ZFHX3: variants seen among roughly 807,000 people sequenced by gnomAD.
ZFHX3 encodes zinc finger homeobox 3, also known as zinc finger homeobox protein 3.
A neutral mutation model predicts 279.1 loss-of-function variants in ZFHX3; 42 were observed. That is an observed-to-expected ratio of 0.15 (90% CI 0.12 to 0.19). The LOEUF is 0.19. Ranked by LOEUF, ZFHX3 falls within the 10% of genes least tolerant of loss-of-function variation. The probability of loss-of-function intolerance (pLI) is 1.00; values close to 1 mark genes in which losing one functional copy is unlikely to be tolerated. For missense variants in ZFHX3, 4,981 were observed against 4,754.0 expected (o/e 1.05, Z -1.40); for synonymous variants, 2,293 against 1,957.8 (o/e 1.17, Z -4.52).
intron 7 of ZFHX3, among the ~76,000 whole-genome samples, chr16:73,114,497 G>C (rs1435623494): frequency 6.6e-6 from 1 of 151,704 alleles, no homozygotes; most frequent in Non-Finnish European, 1.5e-5. Flanking sequence ...GCAACATAGT[G>C]AGACCCCCAT....
intron 5 of ZFHX3, among the ~76,000 whole-genome samples, chr16:73,170,522 G>A (rs1967497259): frequency 6.6e-6 from 1 of 152,058 alleles, no homozygotes. Context: ...GAGCCACCGT[G>A]CCCAGCCCTC....
intron 1 of ZFHX3, among the ~76,000 whole-genome samples, chr16:72,971,206 C>A (rs200863297): frequency 6.6e-6 from 1 of 152,184 alleles, no homozygotes; most frequent in East Asian, 1.9e-4. Context: ...ATATCTTATA[C>A]ACATTGCATA....
intron 2 of ZFHX3, among the ~76,000 whole-genome samples, chr16:73,649,646 C>T (rs936898607): frequency 1.8e-4 from 27 of 152,256 alleles, no homozygotes; most frequent in South Asian, 1.0e-3. Flanking sequence ...GAGTTTGGGT[C>T]AGCAAATCCA....
At chr16:73,161,149 C>A (rs1370639199) in intron 5 of ZFHX3, among the ~76,000 whole-genome samples, 1 of 152,048 alleles carries the variant, frequency 6.6e-6, no homozygotes, top group East Asian at 1.9e-4. Flanking sequence ...ATCTTTTAAA[C>A]ATTTTTTTGT....
At chr16:73,422,944 G>T (rs980793177) in intron 3 of ZFHX3, among the ~76,000 whole-genome samples, 2 of 152,184 alleles carry the variant, frequency 1.3e-5, no homozygotes, top group Admixed American at 6.5e-5. Flanking sequence ...TCAAGGTGTT[G>T]GCAGGGTTGG....
intron 3 of ZFHX3, among the ~76,000 whole-genome samples, chr16:73,370,158 T>C (rs1292973397): frequency 6.6e-6 from 1 of 152,154 alleles, no homozygotes; most frequent in African/African-American, 2.4e-5. Flanking sequence ...CAGCCTTTCT[T>C]TGGAAACACT....
intron 3 of ZFHX3, among the ~76,000 whole-genome samples, chr16:73,425,002 C>T (rs377531873): frequency 7.9e-5 from 12 of 152,216 alleles, no homozygotes; most frequent in African/African-American, 2.2e-4. Context: ...AGACCACCAG[C>T]GGGAGTGCGT....
intron 1 of ZFHX3, among the ~76,000 whole-genome samples, chr16:73,890,548 T>G (rs1028268090): frequency 1.3e-5 from 2 of 152,250 alleles, no homozygotes. Context: ...ATTCGGTTTT[T>G]TAATTTTTTG....
At chr16:73,774,741 C>T (rs779713190) in intron 1 of ZFHX3, among the ~76,000 whole-genome samples, 4 of 152,172 alleles carry the variant, frequency 2.6e-5, no homozygotes, top group Non-Finnish European at 4.4e-5. Flanking sequence ...AGTCAGACAA[C>T]GGTGGTTTTC....
intron 1 of ZFHX3, among the ~76,000 whole-genome samples, chr16:72,964,565 T>C (rs372311688): frequency 5.9e-5 from 9 of 151,800 alleles, no homozygotes; most frequent in Non-Finnish European, 8.8e-5. Flanking sequence ...AAAACCATCA[T>C]TGAGACAGTA....
At chr16:73,241,627 C>T (rs2013123889) in intron 5 of ZFHX3, among the ~76,000 whole-genome samples, 1 of 151,950 alleles carries the variant, frequency 6.6e-6, no homozygotes, top group African/African-American at 2.4e-5. Context: ...CCCGTCTCTA[C>T]TAAAAACACA....
chr16:73,548,207 C>T (rs908876625), intron 2 of ZFHX3, among the ~76,000 whole-genome samples: 4 of 152,198 alleles, frequency 2.6e-5, no homozygotes, highest in African/African-American at 9.6e-5. Flanking sequence ...GGCTAAAGTG[C>T]ACACGGAATC....
At chr16:73,233,888 C>T (rs753999891) in intron 5 of ZFHX3, 3 of 152,104 alleles carry the variant, frequency 2.0e-5, no homozygotes, top group Admixed American at 6.5e-5. Flanking sequence ...ATTTAGGACT[C>T]CCCAGTACAT....
intron 4 of ZFHX3, among the ~76,000 whole-genome samples, chr16:73,316,422 G>A (rs543796160): frequency 1.3e-5 from 2 of 152,200 alleles, no homozygotes; most frequent in African/African-American, 4.8e-5. Context: ...CTGTCCACAG[G>A]TCATCACCTA....
At chr16:72,805,290 T>G (rs72793291) in intron 7 of ZFHX3, among the ~76,000 whole-genome samples, 3,490 of 152,150 alleles carry the variant, frequency 0.023, 57 homozygotes, top group Middle Eastern at 0.051. Context: ...CCAGCAGAGA[T>G]ATTTTCTTAG....
intron 4 of ZFHX3, among the ~76,000 whole-genome samples, chr16:72,851,923 C>T (rs2037628652): frequency 6.6e-6 from 1 of 152,254 alleles, no homozygotes; most frequent in South Asian, 2.1e-4. Flanking sequence ...AACACACTGG[C>T]GGCCAGGTGA....
At chr16:73,886,476 A>G (rs2030349684) in intron 1 of ZFHX3, among the ~76,000 whole-genome samples, 1 of 152,200 alleles carries the variant, frequency 6.6e-6, no homozygotes, top group African/African-American at 2.4e-5. Context: ...ATAACACTTA[A>G]CAGAATGACG....
At chr16:73,392,418 CAAAAAAAAAA>C (rs35019692) in intron 3 of ZFHX3, among the ~76,000 whole-genome samples, 11 of 35,784 alleles carry the variant, frequency 3.1e-4, no homozygotes, top group African/African-American at 7.1e-4. Flanking sequence ...GACCCTGTCT[CAAAAAAAAAA>C]AAAAAAAAAA....
intron 3 of ZFHX3, among the ~76,000 whole-genome samples, chr16:72,928,900 T>G (rs1029832127): frequency 6.6e-6 from 1 of 152,142 alleles, no homozygotes; most frequent in African/African-American, 2.4e-5. Flanking sequence ...AGGTTGAGGC[T>G]GCAGTGAGCT....
Sources: allele counts gnomAD v4.1 joint callset (sites outside exome capture counted in the v4.1 genomes callset), GRCh38; gene constraint gnomAD v4.1.1; transcripts MANE v1.5; gene names NCBI Gene and HGNC (gene_info 2026-07-23, HGNC 2026-07-21).